Variants in CNST observed in about 807,000 individuals in gnomAD.
The protein encoded by CNST is consortin.
A neutral mutation model predicts 72.4 loss-of-function variants in CNST; 39 were observed. The ratio of observed to expected loss-of-function variants is 0.54; its 90% CI spans 0.42 to 0.70. The LOEUF is 0.70. Among genes scored for constraint, CNST ranks in the 30% least tolerant of loss-of-function variants. The pLI is 0.00. For missense variants in CNST, 871 were observed against 868.5 expected, an observed-to-expected ratio of 1.00 and a Z score of -0.04; for synonymous variants, 332 against 320.1, an observed-to-expected ratio of 1.04 and a Z score of -0.40.
chr1:246,658,599 T>C (rs1666891504), intron 9 of CNST, among the ~76,000 whole-genome samples: 1 of 152,246 alleles, frequency 6.6e-6, no homozygotes, highest in Non-Finnish European at 1.5e-5. Flanking sequence ...GTAATATTTA[T>C]GCATAGCGCA....
intron 6 of CNST, among the ~76,000 whole-genome samples, chr1:246,636,211 G>T (rs1490715301): frequency 2.6e-5 from 4 of 152,042 alleles, no homozygotes; most frequent in Non-Finnish European, 5.9e-5. Context: ...GGCTGTGGAG[G>T]CGTTGACTGT....
intron 1 of CNST, among the ~76,000 whole-genome samples, chr1:246,581,748 G>A (rs1660801544): frequency 6.6e-6 from 1 of 152,200 alleles, no homozygotes; most frequent in Admixed American, 6.5e-5. Context: ...TTGTGGCTTT[G>A]AAGAAACGTT....
At chr1:246,622,737 T>C (rs1267283791) in intron 3 of CNST, among the ~76,000 whole-genome samples, 2 of 137,988 alleles carry the variant, frequency 1.4e-5, no homozygotes, top group African/African-American at 5.1e-5. Flanking sequence ...AGGCCGGTGG[T>C]GAGGAAACTT....
chr1:246,576,610 C>G lies in CNST; in HGVS notation c.-52+9947C>G, dbSNP rs546185864. Among the ~76,000 whole-genome samples, 46 of 151,590 alleles carry G rather than the reference C, an allele frequency of 3.0e-4. No homozygotes were observed. In the East Asian group the frequency reaches 8.6e-3, roughly 28 times the overall value. ...TCCCAGGTTCAAGTGACTCTCCTGC[C>G]TCAGCCTCTTTAGTAGCTGGGACCG... On this transcript the variant is annotated intron_variant, in intron 1 of 10. Coordinates refer to ENST00000366513, the MANE Select transcript of CNST (RefSeq NM_152609.3).
At chr1:246,615,878 T>C (rs904579363) in intron 2 of CNST, among the ~76,000 whole-genome samples, 3 of 149,850 alleles carry the variant, frequency 2.0e-5, no homozygotes, top group Non-Finnish European at 4.5e-5. Flanking sequence ...AAACTCCATC[T>C]CAAAAAAAAA....
At chr1:246,584,585 T>C (rs977090007) in intron 1 of CNST, among the ~76,000 whole-genome samples, 2 of 152,120 alleles carry the variant, frequency 1.3e-5, no homozygotes, top group East Asian at 1.9e-4. Flanking sequence ...TTTAGCCAGA[T>C]TGTGGATGAT....
chr1:246,641,225 A>G (rs953393194), intron 6 of CNST, among the ~76,000 whole-genome samples: 2 of 152,070 alleles, frequency 1.3e-5, no homozygotes, highest in African/African-American at 4.8e-5. Context: ...GACTTTTAGG[A>G]TGTTTCTTGT....
intron 9 of CNST, among the ~76,000 whole-genome samples, chr1:246,653,801 T>C (rs1458505358): frequency 1.3e-5 from 2 of 152,220 alleles, no homozygotes; most frequent in Admixed American, 1.3e-4. Context: ...TAAGTTTCCC[T>C]GTCCCTTGTT....
At chr1:246,634,100 A>G (rs1664972743) in intron 5 of CNST, 90 bp downstream of exon 5, 1 of 838,616 alleles carries the variant, frequency 1.2e-6, no homozygotes. Flanking sequence ...GGTTTTATAA[A>G]TCAGAAAATA....
intron 8 of CNST, among the ~76,000 whole-genome samples, chr1:246,644,852 C>T (rs1572229995): frequency 1.3e-5 from 2 of 152,206 alleles, no homozygotes; most frequent in Non-Finnish European, 1.5e-5. Flanking sequence ...TGGCTTGGCC[C>T]CCTTTCCTTT....
chr1:246,576,001 G>A (rs1055819657), intron 1 of CNST, among the ~76,000 whole-genome samples: 2 of 151,228 alleles, frequency 1.3e-5, no homozygotes, highest in African/African-American at 2.4e-5. Context: ...TTGGGAGGCC[G>A]AGGCGAGCAG....
intron 9 of CNST, among the ~76,000 whole-genome samples, chr1:246,657,393 T>C (rs1676786844): frequency 1.3e-5 from 2 of 151,854 alleles, no homozygotes; most frequent in South Asian, 4.2e-4. Flanking sequence ...AAGGAAATGA[T>C]GGAAAAGAGC....
Position 246,575,962 on chromosome 1 carries a change from G to GCGCCTGTAA in CNST, c.-52+9309_-52+9317dup, listed in dbSNP as rs1490530241. 4.5e-3 allele frequency among the ~76,000 whole-genome samples: 671 copies of GCGCCTGTAA among 148,302 alleles called. 8 individuals are homozygous for GCGCCTGTAA. Among genetic ancestry groups the GCGCCTGTAA allele is most frequent in the African/African-American group, 0.015 (612 of 40,446 alleles). On this transcript the variant is annotated intron_variant, in intron 1 of 10. Coordinates refer to ENST00000366513, the MANE Select transcript of CNST (RefSeq NM_152609.3). ...CAGTGCTCTCTGGGCGCGGTGGCTCGCGCCTGTAACGCCTGTAATCCCAGC... is the reference window on the plus strand; with the variant it reads ...CAGTGCTCTCTGGGCGCGGTGGCTCGCGCCTGTAACGCCTGTAACGCCTGTAATCCCAGC...
intron 10 of CNST, among the ~76,000 whole-genome samples, chr1:246,660,705 A>G (rs947453198): frequency 6.6e-6 from 1 of 152,248 alleles, no homozygotes. Context: ...CCTAGGTGGC[A>G]GAGCGAGGCT....
intron 9 of CNST, among the ~76,000 whole-genome samples, chr1:246,655,420 T>G (rs986826059): frequency 2.0e-5 from 3 of 152,124 alleles, no homozygotes; most frequent in Non-Finnish European, 2.9e-5. Flanking sequence ...GGCCCAGCGG[T>G]GACATGTTTT....
At chr1:246,581,429 G>A (rs903356845) in intron 1 of CNST, among the ~76,000 whole-genome samples, 5 of 152,080 alleles carry the variant, frequency 3.3e-5, no homozygotes, top group Admixed American at 2.6e-4. Context: ...ACGCCTGGCT[G>A]ATTTTGTATT....
intron 6 of CNST, among the ~76,000 whole-genome samples, chr1:246,634,951 TGGTGCGTGTCTTCCGGCCGG>T (rs1553381616): frequency 9.7e-4 from 78 of 80,686 alleles, no homozygotes; most frequent in Non-Finnish European, 1.8e-3. Flanking sequence ...CTATCCTCGG[TGGTGCGTGTCTTCCGGCCGG>T]GGTGCGTGTC....
At chr1:246,655,171 G>T (rs1666707516) in intron 9 of CNST, among the ~76,000 whole-genome samples, 1 of 152,030 alleles carries the variant, frequency 6.6e-6, no homozygotes. Flanking sequence ...AAAAACATGA[G>T]GTAATGCCTC....
At position 246,647,823 on chromosome 1, in the gene CNST, A is replaced by T. The variant is rs1666203810; in HGVS notation, c.1622A>T (p.Asn541Ile). The T allele has an allele frequency of 6.2e-7, 1 of 1,614,106 alleles. No homozygotes were observed. Among genetic ancestry groups the T allele is most frequent in the African/African-American group, 1.3e-5 (1 of 74,952 alleles). The change falls in exon 9 of 11, where the codon AAC becomes ATC. Residue 541 changes from asparagine (N) to isoleucine (I), a missense_variant. Transcript: ENST00000366513. ...EEKGDKDDQL[N>I]KETEDYLNSL... is the part of the protein sequence containing the mutation. ...AAGGGAGATAAAGACGACCAACTCA[A>T]CAAAGAAACAGAAGACTATTTGAAC... is the stretch of plus-strand genomic sequence containing the variant.
Sources: allele counts gnomAD v4.1 joint callset (sites outside exome capture counted in the v4.1 genomes callset), GRCh38; gene constraint gnomAD v4.1.1; transcripts MANE v1.5; gene names NCBI Gene and HGNC (gene_info 2026-07-23, HGNC 2026-07-21).